Variants in OCA2 observed in about 807,000 individuals in gnomAD.
OCA2 encodes P protein.
A neutral mutation model predicts 100.2 loss-of-function variants in OCA2; 77 were observed. The observed-to-expected ratio is 0.77, with a 90% CI of 0.64 to 0.93. OCA2 has a LOEUF of 0.93. OCA2 is among the 40% of genes least tolerant of loss of function. The pLI is 0.00. For missense variants in OCA2, 1,062 were observed against 1,089.1 expected, an observed-to-expected ratio of 0.98 and a Z score of 0.35; for synonymous variants, 432 against 439.2, an observed-to-expected ratio of 0.98 and a Z score of 0.21.
At chr15:27,892,641 C>T (rs995302385) in intron 19 of OCA2, among the ~76,000 whole-genome samples, 3 of 152,080 alleles carry the variant, frequency 2.0e-5, no homozygotes, top group Admixed American at 6.5e-5. Context: ...TAAGTTCCTA[C>T]CTCAAAAACA....
intron 18 of OCA2, among the ~76,000 whole-genome samples, chr15:27,943,671 TAAA>T (rs66644405): frequency 1.7e-5 from 2 of 114,882 alleles, no homozygotes; most frequent in Non-Finnish European, 1.9e-5. Context: ...AAGTATAATT[TAAA>T]AAAAAAAAAA....
intron 19 of OCA2, among the ~76,000 whole-genome samples, chr15:27,923,976 G>A (rs2038957379): frequency 6.6e-6 from 1 of 152,066 alleles, no homozygotes; most frequent in South Asian, 2.1e-4. Flanking sequence ...TGTCTTCCAG[G>A]GTTTTATAGT....
At chr15:27,807,096 C>A (rs1388516672) in intron 23 of OCA2, among the ~76,000 whole-genome samples, 1 of 13,808 alleles carries the variant, frequency 7.2e-5, no homozygotes. Context: ...CACCCCCGGC[C>A]CGCCCACCTC....
chr15:27,758,498 C>T lies in OCA2; in HGVS notation c.2433-3026G>A, dbSNP rs142016305. Among the ~76,000 whole-genome samples, 285 of 152,274 alleles carry T rather than the reference C, an allele frequency of 1.9e-3. 6 individuals carry two copies. The East Asian group carries it at 0.045, about 24-fold the overall frequency. On this transcript the variant is annotated intron_variant, in intron 23 of 23. Transcript: ENST00000354638. ...TTCAAGTTGAATGAGAAAAGCCAAT[C>T]AACAGAAGCCAATACTGAGGTGATA...
At chr15:27,959,058 G>A (rs1047480172) in intron 15 of OCA2, among the ~76,000 whole-genome samples, 1 of 152,224 alleles carries the variant, frequency 6.6e-6, no homozygotes, top group Non-Finnish European at 1.5e-5. Flanking sequence ...GTTAGGCAGA[G>A]GGAGGCAGTC....
At chr15:27,978,410 T>C (rs1356765025) in intron 14 of OCA2, among the ~76,000 whole-genome samples, 2 of 152,218 alleles carry the variant, frequency 1.3e-5, no homozygotes, top group African/African-American at 4.8e-5. Context: ...CAACTATAAT[T>C]AAGGATTTAT....
At chr15:28,035,830 T>G (rs2043031638) in intron 2 of OCA2, among the ~76,000 whole-genome samples, 1 of 151,004 alleles carries the variant, frequency 6.6e-6, no homozygotes, top group African/African-American at 2.5e-5. Context: ...ACATTTATAC[T>G]TATTTTAAAG....
intron 13 of OCA2, 103 bp from the exon 14 acceptor site, chr15:27,983,586 C>G: frequency 8.4e-7 from 1 of 1,196,670 alleles, no homozygotes; most frequent in Non-Finnish European, 1.2e-6. Context: ...ATAAGGGAGG[C>G]GCGCACACAC....
intron 23 of OCA2, among the ~76,000 whole-genome samples, chr15:27,784,921 G>A (rs1207604912): frequency 6.6e-6 from 1 of 150,424 alleles, no homozygotes; most frequent in African/African-American, 2.4e-5. Context: ...GAGAGAAATG[G>A]GCAGAAAAAA....
intron 18 of OCA2, among the ~76,000 whole-genome samples, chr15:27,940,498 G>A (rs2140490606): frequency 6.6e-6 from 1 of 152,288 alleles, no homozygotes; most frequent in South Asian, 2.1e-4. Context: ...TTTCTATGGT[G>A]GCATCACAAA....
chr15:27,777,343 G>T (rs914980974), intron 23 of OCA2, among the ~76,000 whole-genome samples: 3 of 152,182 alleles, frequency 2.0e-5, no homozygotes, highest in African/African-American at 7.2e-5. Context: ...CCCTTCTAGG[G>T]AGGGAGTGAT....
intron 15 of OCA2, among the ~76,000 whole-genome samples, chr15:27,963,358 T>C (rs559410727): frequency 1.4e-4 from 22 of 152,286 alleles, no homozygotes; most frequent in African/African-American, 5.1e-4. Flanking sequence ...GCACACAGAA[T>C]GTTTACAAAG....
chr15:27,832,343 T>C (rs2034994857), intron 23 of OCA2, among the ~76,000 whole-genome samples: 3 of 152,356 alleles, frequency 2.0e-5, no homozygotes, highest in Admixed American at 1.3e-4. Context: ...CAGGGAAGAA[T>C]GGGCTTTGTA....
chr15:27,963,971 T>G (rs550872761), intron 15 of OCA2, among the ~76,000 whole-genome samples: 2 of 152,270 alleles, frequency 1.3e-5, no homozygotes, highest in African/African-American at 4.8e-5. Context: ...TTATGAACAA[T>G]TTTATAACAA....
At chr15:27,851,903 G>A (rs1351103588) in intron 21 of OCA2, among the ~76,000 whole-genome samples, 2 of 152,152 alleles carry the variant, frequency 1.3e-5, no homozygotes, top group East Asian at 1.9e-4. Flanking sequence ...AGGATGCAGA[G>A]AGGCACAGGA....
intron 1 of OCA2, among the ~76,000 whole-genome samples, chr15:28,098,700 C>G (rs2045030676): frequency 6.6e-6 from 1 of 152,208 alleles, no homozygotes. Flanking sequence ...CGTCCACATA[C>G]CAGGCTTCCT....
chr15:27,897,157 C>G (rs1475635350), intron 19 of OCA2, among the ~76,000 whole-genome samples: 1 of 150,920 alleles, frequency 6.6e-6, no homozygotes, highest in Non-Finnish European at 1.5e-5. Context: ...GCCACTACAC[C>G]CTAGCCTGGG....
intron 2 of OCA2, among the ~76,000 whole-genome samples, chr15:28,070,036 G>T (rs1383301849): frequency 8.9e-6 from 1 of 111,758 alleles, no homozygotes; most frequent in Non-Finnish European, 1.6e-5. Flanking sequence ...GAGATGTGGG[G>T]AGCGCCTCTG....
Position 28,038,467 on chromosome 15 carries a change from C to G in OCA2, c.228-6304G>C, listed in dbSNP as rs113542447. Among the ~76,000 whole-genome samples, 962 of 152,230 alleles carry G rather than the reference C, an allele frequency of 6.3e-3. 10 individuals carry two copies. Among genetic ancestry groups the G allele is most frequent in the African/African-American group, 0.022 (900 of 41,530 alleles). On this transcript the variant is annotated intron_variant, in intron 2 of 23. Coordinates refer to ENST00000354638, the MANE Select transcript of OCA2 (RefSeq NM_000275.3). ...AAATACAGTGCAAAGTTCAGCACAG[C>G]TTTGCATAGTGGCCCTATGCACACA... is the stretch of plus-strand genomic sequence containing the variant.
Sources: gnomAD v4.1 joint callset for allele counts (sites outside exome capture counted in the v4.1 genomes callset) on GRCh38, gnomAD v4.1.1 for gene constraint, MANE v1.5 for transcripts, NCBI Gene and HGNC (gene_info 2026-07-23, HGNC 2026-07-21) for gene names.